The following WWOX variants were observed in gnomAD, a reference collection of about 807,000 sequenced individuals.
WWOX encodes WW domain containing oxidoreductase, also known as WW domain-containing oxidoreductase.
A neutral mutation model predicts 46.2 loss-of-function variants in WWOX; 69 were observed. That is an observed-to-expected ratio of 1.49 (90% CI 1.23 to 1.82). WWOX has a LOEUF of 1.82. WWOX is among the 40% of genes most tolerant of loss of function. The pLI is 0.00. For synonymous variants in WWOX, 359 were observed against 202.6 expected (o/e 1.77, Z -6.56); for missense variants, 919 against 542.6 (o/e 1.69, Z -6.89).
At chr16:79,085,906 G>C (rs1389057009) in intron 8 of WWOX, among the ~76,000 whole-genome samples, 1 of 152,000 alleles carries the variant, frequency 6.6e-6, no homozygotes. Flanking sequence ...AAAAAAATTA[G>C]CCAGGCTTGG....
chr16:78,831,719 C>T (rs779272926), intron 8 of WWOX, among the ~76,000 whole-genome samples: 3 of 152,276 alleles, frequency 2.0e-5, no homozygotes, highest in South Asian at 2.1e-4. Flanking sequence ...AGCATAATCC[C>T]TGGTATTCAA....
intron 8 of WWOX, among the ~76,000 whole-genome samples, chr16:78,773,426 A>C (rs2050113853): frequency 6.6e-6 from 1 of 152,176 alleles, no homozygotes; most frequent in South Asian, 2.1e-4. Context: ...GAGCGCAGAC[A>C]TTTGGCTCCC....
At chr16:79,146,217 G>A (rs1038313106) in intron 8 of WWOX, among the ~76,000 whole-genome samples, 1 of 152,142 alleles carries the variant, frequency 6.6e-6, no homozygotes. Flanking sequence ...TAATGCAGAG[G>A]AGAAAACAAA....
intron 6 of WWOX, among the ~76,000 whole-genome samples, chr16:78,424,457 T>C (rs2083028957): frequency 6.6e-6 from 1 of 152,202 alleles, no homozygotes; most frequent in Non-Finnish European, 1.5e-5. Context: ...TTTTCCTTTA[T>C]TAGTCATAAC....
At chr16:79,024,176 G>GT (rs1567494087) in intron 8 of WWOX, among the ~76,000 whole-genome samples, 3 of 152,162 alleles carry the variant, frequency 2.0e-5, no homozygotes, top group Non-Finnish European at 1.5e-5. Flanking sequence ...GAATTAGATC[G>GT]TGTTGATGGT....
chr16:78,403,687 G>C (rs1225007301), intron 6 of WWOX, among the ~76,000 whole-genome samples: 1 of 152,232 alleles, frequency 6.6e-6, no homozygotes, highest in African/African-American at 2.4e-5. Context: ...ATGAGGCACT[G>C]CTTCGCATGG....
intron 8 of WWOX, among the ~76,000 whole-genome samples, chr16:78,733,005 C>G (rs1050953664): frequency 2.6e-5 from 4 of 152,130 alleles, no homozygotes; most frequent in Non-Finnish European, 5.9e-5. Flanking sequence ...TAGTCTTTGT[C>G]AGGACCCATT....
At chr16:79,122,585 T>C (rs2150678730) in intron 8 of WWOX, among the ~76,000 whole-genome samples, 1 of 152,042 alleles carries the variant, frequency 6.6e-6, no homozygotes, top group South Asian at 2.1e-4. Context: ...CCTCTCTCTT[T>C]CTCCGTCTTT....
chr16:79,039,014 G>C (rs2047921532), intron 8 of WWOX, among the ~76,000 whole-genome samples: 1 of 151,812 alleles, frequency 6.6e-6, no homozygotes, highest in Non-Finnish European at 1.5e-5. Flanking sequence ...AGTTTTAATA[G>C]GTTATAATTC....
chr16:78,430,953 CT>C (rs2083203487), intron 7 of WWOX, among the ~76,000 whole-genome samples: 1 of 152,078 alleles, frequency 6.6e-6, no homozygotes, highest in South Asian at 2.1e-4. Context: ...TTACCTTTTG[CT>C]TTTTGTTTTC....
At chr16:79,050,491 C>T (rs950051351) in intron 8 of WWOX, among the ~76,000 whole-genome samples, 58 of 152,326 alleles carry the variant, frequency 3.8e-4, no homozygotes, top group African/African-American at 1.4e-3. Flanking sequence ...TCCTCTGTCA[C>T]ACACTGATGC....
intron 8 of WWOX, among the ~76,000 whole-genome samples, chr16:78,704,019 C>G (rs1250833731): frequency 1.3e-5 from 2 of 152,156 alleles, no homozygotes; most frequent in Admixed American, 1.3e-4. Context: ...TGTTGTGCAA[C>G]CATCACCCCT....
At chr16:79,081,441 G>T (rs2048758718) in intron 8 of WWOX, among the ~76,000 whole-genome samples, 1 of 152,194 alleles carries the variant, frequency 6.6e-6, no homozygotes, top group South Asian at 2.1e-4. Context: ...TGGGATTACA[G>T]GCATGAGCCT....
At chr16:78,409,597 TC>T (rs1246371923) in intron 6 of WWOX, among the ~76,000 whole-genome samples, 1 of 152,222 alleles carries the variant, frequency 6.6e-6, no homozygotes, top group African/African-American at 2.4e-5. Context: ...CTGTTAGTTT[TC>T]CATTGCTGTT....
chr16:78,738,742 A>G (rs1028681006), intron 8 of WWOX, among the ~76,000 whole-genome samples: 77 of 152,184 alleles, frequency 5.1e-4, no homozygotes, highest in Non-Finnish European at 8.7e-4. Flanking sequence ...GTGAATGCGA[A>G]CAGAGGCTGC....
intron 8 of WWOX, among the ~76,000 whole-genome samples, chr16:79,184,282 T>G (rs2050970695): frequency 6.6e-6 from 1 of 152,338 alleles, no homozygotes; most frequent in Non-Finnish European, 1.5e-5. Context: ...GAGTCCAATT[T>G]TCTTTGCACA....
rs781683643 is a variant in WWOX, at chr16:78,432,636, C to G, written c.940C>G (p.Arg314Gly). ...SNELHRRLSP[R>G]GVTSNAVHPG... Reference sequence around the variant, plus strand: ...CGAGCTGCACCGTCGCCTCTCCCCACGCGGGGTCACGTCGAACGCAGTGCA... The same window carrying G: ...CGAGCTGCACCGTCGCCTCTCCCCAGGCGGGGTCACGTCGAACGCAGTGCA... Residue 314 changes from arginine (R) to glycine (G), a missense_variant, in exon 8 of 9, where the codon CGC (arginine) becomes GGC (glycine). Physicochemically the swap from Arg to Gly is moderately radical, Grantham distance 125. Transcript: ENST00000566780. The G allele has an allele frequency of 1.6e-5, 26 of 1,614,240 alleles. No individual in the cohort carries two copies. The South Asian group carries it at 2.9e-4, about 18-fold the overall frequency.
intron 5 of WWOX, among the ~76,000 whole-genome samples, chr16:78,261,062 A>G (rs1409623985): frequency 6.6e-6 from 1 of 151,352 alleles, no homozygotes; most frequent in East Asian, 1.9e-4. Flanking sequence ...TGAAGCTTTA[A>G]GTGAAATTAT....
rs1313994498 is a variant in WWOX, at chr16:78,913,332, T to G, written c.1057-298276T>G. Among the ~76,000 whole-genome samples the G allele has an allele frequency of 3.3e-5, 5 of 152,026 alleles. 1 individual carries two copies. Among genetic ancestry groups the G allele is most frequent in the Non-Finnish European group, 4.4e-5 (3 of 68,000 alleles). On this transcript the variant is annotated intron_variant, in intron 8 of 8. Transcript: ENST00000566780. ...TGGTTAGACTGCATTTTTGAGCCTC[T>G]GCCTGTTAGGTGCAGCCATGTGCCT...
Sources: allele counts gnomAD v4.1 joint callset (sites outside exome capture counted in the v4.1 genomes callset), GRCh38; gene constraint gnomAD v4.1.1; transcripts MANE v1.5; gene names NCBI Gene and HGNC (gene_info 2026-07-23, HGNC 2026-07-21).